Variants in ABCC8 observed in about 807,000 individuals in gnomAD.
ABCC8 encodes the protein ATP-binding cassette sub-family C member 8.
A neutral mutation model predicts 188.0 loss-of-function variants in ABCC8; 137 were observed. That is an observed-to-expected ratio of 0.73 (90% confidence interval 0.63 to 0.84). The LOEUF is 0.84. ABCC8 is among the 40% of genes least tolerant of loss of function. ABCC8 has a pLI of 0.00. For synonymous variants in ABCC8, 797 were observed against 846.5 expected (o/e 0.94, Z 1.01); for missense variants, 1,750 against 2,072.7 (o/e 0.84, Z 3.02).
rs193922408 is a variant in ABCC8 at position 17,393,122 on chromosome 11, C to T, written c.4615G>A (p.Val1539Met). 1 of 1,613,756 alleles carries T rather than the reference C, an allele frequency of 6.2e-7. No homozygotes were observed. Residue 1539 changes from valine to methionine, a missense_variant, in exon 39 of 39, where the codon GTG becomes ATG. Transcript: ENST00000389817. ...DRTVVTIAHR[V>M]HTILSADLVI... is the part of the protein sequence containing the mutation. ...AGGTCTGCACTCAGGATGGTGTGCA[C>T]TCGATGCTGGGCAGGGCAGGAGGGG...
chr11:17,460,958 G>A, intron 5 of ABCC8: 1 of 535,436 alleles, frequency 1.9e-6, no homozygotes, highest in East Asian at 3.7e-5. Flanking sequence ...ACTGGAATGA[G>A]GAGGTGGCCA....
chr11:17,476,787 G>A lies in ABCC8; in HGVS notation c.-11C>T. 3.2e-6 allele frequency: 5 copies of A among 1,543,406 alleles called. No homozygotes were observed. Among genetic ancestry groups the A allele is most frequent in the East Asian group, 2.5e-5 (1 of 39,802 alleles). Reference sequence around the variant, plus strand: ...GAAGGCCAGGGGCATGGCGGCGCGGGCGCGGGCTGGGCTCGGGCTCAGCTG... The same window carrying A: ...GAAGGCCAGGGGCATGGCGGCGCGGACGCGGGCTGGGCTCGGGCTCAGCTG... On this transcript the variant is annotated 5_prime_UTR_variant, in exon 1 of 39. Transcript: ENST00000389817.
chr11:17,461,421 T>A, intron 5 of ABCC8, 162 bp downstream of exon 5: 1 of 887,982 alleles, frequency 1.1e-6, no homozygotes, highest in Non-Finnish European at 1.8e-6. Flanking sequence ...CCTGCACCTG[T>A]CCCTGGTTCA....
rs770092509 is a variant in ABCC8, at chr11:17,413,422, T to C, written c.2447A>G (p.His816Arg). ...SLQPDIDILP[H>R]GDQTQIGERG... Reference sequence around the variant, plus strand: ...TTCCCCAATCTGGGTCTGGTCTCCATGGGGCAGGATGTCGATGTCTGGCTG... The same window carrying C: ...TTCCCCAATCTGGGTCTGGTCTCCACGGGGCAGGATGTCGATGTCTGGCTG... Residue 816 changes from histidine (H) to arginine (R), a missense_variant, in exon 20 of 39, where the codon CAT becomes CGT. Coordinates refer to ENST00000389817, the MANE Select transcript of ABCC8 (RefSeq NM_000352.6). 9 of 1,614,008 alleles carry C rather than the reference T, an allele frequency of 5.6e-6. No homozygotes were observed. The African/African-American group carries it at 1.2e-4, about 22-fold the overall frequency.
At chr11:17,444,200 C>T (rs956498704) in intron 8 of ABCC8, 1 of 152,176 alleles carries the variant, frequency 6.6e-6, no homozygotes, top group African/African-American at 2.4e-5. Context: ...GGAAGTGGCC[C>T]CTTCACCACC....
intron 7 of ABCC8, among the ~76,000 whole-genome samples, chr11:17,451,288 C>T (rs889356747): frequency 6.6e-6 from 1 of 152,208 alleles, no homozygotes; most frequent in Non-Finnish European, 1.5e-5. Flanking sequence ...GTTTTCTGAA[C>T]TGAGCAACAG....
At chr11:17,429,142 G>T (rs1233320833) in intron 12 of ABCC8, 1 of 178,432 alleles carries the variant, frequency 5.6e-6, no homozygotes, top group Admixed American at 5.6e-5. Flanking sequence ...CACGGGGGAG[G>T]CGGCTATTCC....
intron 3 of ABCC8, among the ~76,000 whole-genome samples, chr11:17,467,139 G>C (rs7119716): frequency 0.31 from 46,980 of 149,640 alleles, 7,571 homozygotes; most frequent in Middle Eastern, 0.45. Context: ...GACCTTCCAG[G>C]TGGGTGCGGT....
intron 3 of ABCC8, among the ~76,000 whole-genome samples, chr11:17,467,891 C>T (rs187446502): frequency 6.6e-6 from 1 of 152,354 alleles, no homozygotes; most frequent in East Asian, 1.9e-4. Flanking sequence ...AAGGACAAAT[C>T]CATCCACGGG....
rs1351384383 is a variant in ABCC8, at chr11:17,428,597, G to A, written c.1891C>T (p.Pro631Ser). 5.6e-6 allele frequency: 9 copies of A among 1,614,020 alleles called. No homozygotes were observed. Among genetic ancestry groups the A allele is most frequent in the Non-Finnish European group, 7.6e-6 (9 of 1,180,040 alleles). ...EEQCAPHEPTPQGPASKYQAV... is the reference protein window; with the variant it reads ...EEQCAPHEPTSQGPASKYQAV... ...TGGTACTTGCTGGCTGGGCCCTGAG[G>A]TGTGGGCTCATGGGGGGCACACTGC... The change falls in exon 13 of 39, where the codon CCT becomes TCT. Residue 631 changes from proline (P) to serine (S), a missense_variant. Pro to Ser is a moderately conservative substitution (Grantham distance 74, BLOSUM62 -1). Coordinates refer to ENST00000389817, the MANE Select transcript of ABCC8 (RefSeq NM_000352.6).
chr11:17,403,717 C>T (rs1159024040), intron 28 of ABCC8, among the ~76,000 whole-genome samples: 2 of 152,202 alleles, frequency 1.3e-5, no homozygotes, highest in Non-Finnish European at 2.9e-5. Flanking sequence ...AGTACTCACA[C>T]ACCTCCATGA....
Position 17,439,538 on chromosome 11 carries a change from C to T in ABCC8, c.1630+3182G>A, listed in dbSNP as rs112746079. 5.9e-3 allele frequency among the ~76,000 whole-genome samples: 901 copies of T among 152,240 alleles called. 6 individuals carry two copies. The highest frequency in any genetic ancestry group is 0.021 in the African/African-American group (852 of 41,520). ...GAAGTCCAGAGGAGGTAAATGAACA[C>T]GCACTCAAAGCATATGCCTGCAGCC... On this transcript the variant is annotated intron_variant, in intron 10 of 38. Coordinates refer to ENST00000389817, the MANE Select transcript of ABCC8 (RefSeq NM_000352.6).
chr11:17,421,890 A>G (rs1219312972), intron 16 of ABCC8, among the ~76,000 whole-genome samples: 2 of 152,016 alleles, frequency 1.3e-5, no homozygotes, highest in East Asian at 1.9e-4. Flanking sequence ...TAATCCCCCA[A>G]CTTCCTGCCT....
At chr11:17,464,046 G>C (rs369734631) in intron 3 of ABCC8, among the ~76,000 whole-genome samples, 1 of 152,216 alleles carries the variant, frequency 6.6e-6, no homozygotes, top group Non-Finnish European at 1.5e-5. Flanking sequence ...TTAGGTAACA[G>C]ATCCAAGGCC....
intron 16 of ABCC8, among the ~76,000 whole-genome samples, chr11:17,419,309 G>A (rs894081041): frequency 6.6e-5 from 10 of 152,168 alleles, no homozygotes; most frequent in South Asian, 2.1e-4. Context: ...TTCCCCAACC[G>A]CATGTCCTTC....
At chr11:17,416,325 A>C (rs1480697862) in intron 17 of ABCC8, among the ~76,000 whole-genome samples, 1 of 152,166 alleles carries the variant, frequency 6.6e-6, no homozygotes, top group Non-Finnish European at 1.5e-5. Context: ...AGATTTGCAC[A>C]TGAACATAAA....
At chr11:17,441,450 C>A (rs1412724751) in intron 10 of ABCC8, among the ~76,000 whole-genome samples, 1 of 152,194 alleles carries the variant, frequency 6.6e-6, no homozygotes, top group African/African-American at 2.4e-5. Context: ...TTCAAAAATT[C>A]TCTCTTCAGC....
At chr11:17,399,885 C>T (rs11607550) in intron 29 of ABCC8, among the ~76,000 whole-genome samples, 4,274 of 152,290 alleles carry the variant, frequency 0.028, 78 homozygotes, top group Middle Eastern at 0.051. Flanking sequence ...TGAGTTACTG[C>T]GCATGGACCT....
rs1320499455 is a variant in ABCC8 at position 17,398,434 on chromosome 11, C to T, written c.3658G>A (p.Ala1220Thr). Residue 1220 changes from alanine to threonine, a missense_variant, in exon 30 of 39, where the codon GCC becomes ACC. Physicochemically the swap from Ala to Thr is moderately conservative, Grantham distance 58. Coordinates refer to ENST00000389817, the MANE Select transcript of ABCC8 (RefSeq NM_000352.6). ...LTTIRAFRYEARFQQKLLEYT... is the reference protein window; with the variant it reads ...LTTIRAFRYETRFQQKLLEYT... ...TCGAGAAGCTTCTGCTGGAACCGGG[C>T]CTCATACCTGGAGGGAGGATGAGAA... is the stretch of plus-strand genomic sequence containing the variant. 10 of 1,613,920 alleles carry T rather than the reference C, an allele frequency of 6.2e-6. No individual in the cohort carries two copies. In the African/African-American group the frequency reaches 1.1e-4, roughly 17 times the overall value.
Sources: allele counts gnomAD v4.1 joint callset (sites outside exome capture counted in the v4.1 genomes callset), GRCh38; gene constraint gnomAD v4.1.1; transcripts MANE v1.5; gene names NCBI Gene and HGNC (gene_info 2026-07-23, HGNC 2026-07-21).